The following TSPAN9 variants were observed in gnomAD, a reference collection of about 807,000 sequenced individuals.
The protein encoded by TSPAN9 is tetraspanin 9, also known as tetraspanin-9.
Under a neutral mutation model 31.0 loss-of-function variants are expected in TSPAN9, and 16 were observed. The ratio of observed to expected loss-of-function variants is 0.52; its 90% CI spans 0.35 to 0.78. TSPAN9 has a LOEUF of 0.78. Among genes scored for constraint, TSPAN9 ranks in the 30% least tolerant of loss-of-function variants. The pLI is 0.01. For missense variants in TSPAN9, 272 were observed against 312.5 expected, an observed-to-expected ratio of 0.87 and a Z score of 0.98; for synonymous variants, 145 against 121.6, an observed-to-expected ratio of 1.19 and a Z score of -1.27.
chr12:3,236,913 A>AT (rs1565626621), intron 3 of TSPAN9, among the ~76,000 whole-genome samples: 3 of 152,180 alleles, frequency 2.0e-5, no homozygotes, highest in African/African-American at 4.8e-5. Flanking sequence ...CATTTGAGCA[A>AT]TGTCATACAG....
chr12:3,119,186 T>C (rs144876564), intron 2 of TSPAN9, among the ~76,000 whole-genome samples: 14 of 152,286 alleles, frequency 9.2e-5, no homozygotes, highest in African/African-American at 3.1e-4. Flanking sequence ...AGGATGCTTA[T>C]AAAGTGGCCA....
intron 2 of TSPAN9, among the ~76,000 whole-genome samples, chr12:3,108,683 T>C (rs1220951261): frequency 2.0e-5 from 3 of 152,220 alleles, no homozygotes; most frequent in African/African-American, 7.2e-5. Flanking sequence ...AATTTAGATA[T>C]TAAATCTCCT....
At chr12:3,105,196 C>T (rs767462303) in intron 2 of TSPAN9, among the ~76,000 whole-genome samples, 21 of 152,126 alleles carry the variant, frequency 1.4e-4, no homozygotes, top group African/African-American at 1.9e-4. Flanking sequence ...AGCTTTCTGC[C>T]GCCGACTTGG....
At chr12:3,091,585 C>T (rs1327070008) in intron 2 of TSPAN9, among the ~76,000 whole-genome samples, 1 of 152,190 alleles carries the variant, frequency 6.6e-6, no homozygotes, top group Non-Finnish European at 1.5e-5. Flanking sequence ...CGAGGCTGGA[C>T]CTGATGAAAT....
chr12:3,133,417 C>T (rs558258814), intron 2 of TSPAN9, among the ~76,000 whole-genome samples: 1 of 152,012 alleles, frequency 6.6e-6, no homozygotes, highest in East Asian at 1.9e-4. Flanking sequence ...AATAAAATAA[C>T]ATAAAAGTAT....
intron 3 of TSPAN9, among the ~76,000 whole-genome samples, chr12:3,204,749 A>G (rs2098374050): frequency 6.6e-6 from 1 of 152,126 alleles, no homozygotes; most frequent in Non-Finnish European, 1.5e-5. Context: ...GTGGATAGGG[A>G]ATAGGAGATT....
At chr12:3,206,545 C>A (rs2098375298) in intron 3 of TSPAN9, 1 of 213,276 alleles carries the variant, frequency 4.7e-6, no homozygotes. Context: ...AATGTTTATT[C>A]CTGTCAGTAA....
intron 2 of TSPAN9, among the ~76,000 whole-genome samples, chr12:3,191,338 TC>T (rs1049536691): frequency 7.9e-5 from 12 of 152,142 alleles, no homozygotes; most frequent in Admixed American, 3.3e-4. Flanking sequence ...TGTGGGTGCC[TC>T]CCAAATGTCC....
At chr12:3,146,531 G>A (rs970079935) in intron 2 of TSPAN9, among the ~76,000 whole-genome samples, 1 of 152,212 alleles carries the variant, frequency 6.6e-6, no homozygotes, top group Admixed American at 6.5e-5. Context: ...TCCAAGATCC[G>A]ATTGATGAAG....
intron 2 of TSPAN9, among the ~76,000 whole-genome samples, chr12:3,185,321 G>C (rs2098360651): frequency 6.6e-6 from 1 of 152,168 alleles, no homozygotes; most frequent in Non-Finnish European, 1.5e-5. Flanking sequence ...TTAGCACTTG[G>C]AAGATGGGTG....
intron 3 of TSPAN9, among the ~76,000 whole-genome samples, chr12:3,246,890 C>A (rs1045860534): frequency 1.3e-5 from 2 of 152,278 alleles, no homozygotes; most frequent in African/African-American, 2.4e-5. Context: ...GCAGAGGGAA[C>A]AAGACCAGGA....
At chr12:3,139,045 C>T (rs930267154) in intron 2 of TSPAN9, among the ~76,000 whole-genome samples, 28 of 152,104 alleles carry the variant, frequency 1.8e-4, no homozygotes, top group Non-Finnish European at 3.1e-4. Context: ...CCTCCCTACA[C>T]GCTGTGCCCC....
chr12:3,152,850 A>G (rs1202066505), intron 2 of TSPAN9, among the ~76,000 whole-genome samples: 1 of 152,210 alleles, frequency 6.6e-6, no homozygotes, highest in Non-Finnish European at 1.5e-5. Flanking sequence ...GGCCTCCCAA[A>G]GTGCTGAGAT....
At chr12:3,247,347 C>A (rs647066) in intron 3 of TSPAN9, among the ~76,000 whole-genome samples, 14 of 129,176 alleles carry the variant, frequency 1.1e-4, no homozygotes, top group African/African-American at 3.5e-4. Flanking sequence ...GAGTGCCAGT[C>A]GCCAGATGGT....
intron 2 of TSPAN9, among the ~76,000 whole-genome samples, chr12:3,138,886 G>T (rs515127): frequency 0.76 from 115,121 of 152,116 alleles, 43,728 homozygotes; most frequent in Middle Eastern, 0.79. Context: ...TGTGGGCAGG[G>T]TGGGTCCTGG....
intron 2 of TSPAN9, among the ~76,000 whole-genome samples, chr12:3,159,841 A>G (rs1459551133): frequency 6.6e-6 from 1 of 152,206 alleles, no homozygotes; most frequent in Non-Finnish European, 1.5e-5. Context: ...TCCAGCTGAC[A>G]CCTTGATCTT....
At chr12:3,221,943 A>G (rs1470393008) in intron 3 of TSPAN9, among the ~76,000 whole-genome samples, 2 of 152,236 alleles carry the variant, frequency 1.3e-5, no homozygotes, top group East Asian at 3.8e-4. Context: ...TGCCCAGCCT[A>G]AAGAGAAGTT....
Position 3,239,772 on chromosome 12 carries a change from C to CG in TSPAN9, c.63+38517dup, listed in dbSNP as rs1424435178. On this transcript the variant is annotated intron_variant, in intron 3 of 8. Coordinates refer to ENST00000011898, the MANE Select transcript of TSPAN9 (RefSeq NM_006675.5). ...CTTCTGGGAGGGTCATTGGAGCTTC[C>CG]GACAGGGTCCTGATGGGGAAGGGTG... is the stretch of plus-strand genomic sequence containing the variant. Among the ~76,000 whole-genome samples, 4 of 152,002 alleles carry CG rather than the reference C, an allele frequency of 2.6e-5. No individual in the cohort carries two copies. The East Asian group carries it at 7.7e-4, about 29-fold the overall frequency.
chr12:3,206,588 T>C (rs1029476120), intron 3 of TSPAN9, among the ~76,000 whole-genome samples: 26 of 151,868 alleles, frequency 1.7e-4, no homozygotes, highest in African/African-American at 6.0e-4. Context: ...CCTTTTGTTT[T>C]GTTTTGTTTT....
Sources: gnomAD v4.1 joint callset for allele counts (sites outside exome capture counted in the v4.1 genomes callset) on GRCh38, gnomAD v4.1.1 for gene constraint, MANE v1.5 for transcripts, NCBI Gene and HGNC (gene_info 2026-07-23, HGNC 2026-07-21) for gene names.